MYO1E: variants seen among roughly 807,000 people sequenced by gnomAD.
MYO1E encodes myosin IE, also known as unconventional myosin-Ie.
Under a neutral mutation model 151.1 loss-of-function variants are expected in MYO1E, and 68 were observed. The observed-to-expected ratio is 0.45, with a 90% CI of 0.37 to 0.55. The LOEUF (loss-of-function observed/expected upper bound fraction) is 0.55, where lower values mean the gene tolerates loss of function less well. Among genes scored for constraint, MYO1E ranks in the 20% least tolerant of loss-of-function variants. The pLI is 0.00. For missense variants in MYO1E, 1,363 were observed against 1,389.3 expected, an observed-to-expected ratio of 0.98 and a Z score of 0.30; for synonymous variants, 601 against 501.7, an observed-to-expected ratio of 1.20 and a Z score of -2.64.
At chr15:59,367,003 A>C (rs1008348596) in intron 1 of MYO1E, among the ~76,000 whole-genome samples, 5,874 of 144,682 alleles carry the variant, frequency 0.041, 181 homozygotes, top group East Asian at 0.17. Context: ...TTCGCAAAAA[A>C]AAAAAAAAAA....
chr15:59,302,255 G>A (rs367792276), intron 1 of MYO1E, among the ~76,000 whole-genome samples: 1 of 152,166 alleles, frequency 6.6e-6, no homozygotes, highest in African/African-American at 2.4e-5. Flanking sequence ...TCCAATTAAC[G>A]AAGGCACTGT....
Position 59,133,233 on chromosome 15 carries a change from G to A in MYO1E, c.*4147C>T, listed in dbSNP as rs1199072350. 6.6e-6 allele frequency: 1 copy of A among 152,286 alleles called. No homozygotes were observed. The highest frequency in any genetic ancestry group is 1.5e-5 in the Non-Finnish European group (1 of 68,106). The allele number at this position is 152,286 out of a possible 1,614,324, so 9.4% of individuals were successfully genotyped here. A position where few individuals can be genotyped will look rare whatever the true frequency, so the allele number is the denominator to read the frequency against. ...CATCTGTACAAATAATTAGCCGAAT[G>A]TGGTGGCACATGCTTGTGGTCCCAG... is the stretch of plus-strand genomic sequence containing the variant. On this transcript the variant is annotated 3_prime_UTR_variant, in exon 28 of 28. Coordinates refer to ENST00000288235, the MANE Select transcript of MYO1E (RefSeq NM_004998.4).
chr15:59,292,969 C>G (rs1018346965), intron 1 of MYO1E, among the ~76,000 whole-genome samples: 9 of 152,144 alleles, frequency 5.9e-5, no homozygotes, highest in Non-Finnish European at 1.3e-4. Flanking sequence ...GAGGCCTCGG[C>G]TCATAAACTG....
At chr15:59,224,952 C>T (rs1437805164) in intron 7 of MYO1E, 129 bp from the exon 8 acceptor site, 1 of 1,256,146 alleles carries the variant, frequency 8.0e-7, no homozygotes, top group African/African-American at 1.5e-5. Flanking sequence ...GCAGTCCTGG[C>T]CCCCAAATAT....
At chr15:59,339,329 C>A (rs957895907) in intron 1 of MYO1E, among the ~76,000 whole-genome samples, 10 of 152,166 alleles carry the variant, frequency 6.6e-5, no homozygotes, top group African/African-American at 2.2e-4. Flanking sequence ...TTTTCCTGTT[C>A]CTGGTTTTCT....
At chr15:59,165,561 C>T (rs1168566981) in intron 22 of MYO1E, among the ~76,000 whole-genome samples, 2 of 152,178 alleles carry the variant, frequency 1.3e-5, no homozygotes, top group Non-Finnish European at 2.9e-5. Context: ...AAACAATAGA[C>T]GGTTTTCATC....
intron 3 of MYO1E, among the ~76,000 whole-genome samples, chr15:59,260,581 T>C (rs2080219101): frequency 6.6e-6 from 1 of 152,116 alleles, no homozygotes; most frequent in African/African-American, 2.4e-5. Flanking sequence ...AACCACAGAA[T>C]AAAATATATT....
chr15:59,198,652 C>T (rs182734959), intron 16 of MYO1E, among the ~76,000 whole-genome samples: 2 of 151,954 alleles, frequency 1.3e-5, no homozygotes, highest in African/African-American at 4.8e-5. Flanking sequence ...TTCGTCTCTA[C>T]TAAAAAAAAT....
At chr15:59,289,197 C>T (rs2035506) in intron 1 of MYO1E, among the ~76,000 whole-genome samples, 76,233 of 152,004 alleles carry the variant, frequency 0.5, 20,655 homozygotes, top group Middle Eastern at 0.67. Flanking sequence ...CTCTCTGCTT[C>T]CAGTCCCTCC....
chr15:59,214,725 A>G lies in MYO1E; in HGVS notation c.1108-5T>C. ...CTCCATGGCTTTATTGATGGACTAG[A>G]GAAAGTAAACAGCATGGCAGTGAAC... is the stretch of plus-strand genomic sequence containing the variant. On this transcript the variant is annotated splice_region_variant and splice_polypyrimidine_tract_variant and intron_variant, in intron 10 of 27. Coordinates refer to ENST00000288235, the MANE Select transcript of MYO1E (RefSeq NM_004998.4). 6.2e-7 allele frequency: 1 copy of G among 1,610,120 alleles called. No individual in the cohort carries two copies. The highest frequency in any genetic ancestry group is 8.5e-7 in the Non-Finnish European group (1 of 1,176,380).
At chr15:59,240,388 G>T in intron 4 of MYO1E, among the ~76,000 whole-genome samples, 1 of 152,084 alleles carries the variant, frequency 6.6e-6, no homozygotes, top group Non-Finnish European at 1.5e-5. Context: ...CTGTGTGTGG[G>T]GGGGGTCTGT....
At chr15:59,179,125 C>T (rs1339794844) in intron 18 of MYO1E, among the ~76,000 whole-genome samples, 2 of 152,194 alleles carry the variant, frequency 1.3e-5, no homozygotes, top group Non-Finnish European at 2.9e-5. Flanking sequence ...CCACCATGCC[C>T]TTTCCTTCCT....
chr15:59,271,989 A>G (rs1185012882), intron 2 of MYO1E, among the ~76,000 whole-genome samples: 1 of 152,270 alleles, frequency 6.6e-6, no homozygotes, highest in Non-Finnish European at 1.5e-5. Flanking sequence ...CCCTTTGCAC[A>G]GCCTGAACCA....
chr15:59,297,410 T>G (rs1409760944), intron 1 of MYO1E, among the ~76,000 whole-genome samples: 2 of 138,718 alleles, frequency 1.4e-5, no homozygotes, highest in African/African-American at 2.5e-5. Context: ...AGCTGGGATT[T>G]CAGGTACGCA....
chr15:59,282,104 A>T (rs548542574), intron 1 of MYO1E, among the ~76,000 whole-genome samples: 2 of 152,302 alleles, frequency 1.3e-5, no homozygotes, highest in Admixed American at 6.5e-5. Context: ...TTTTCTTGTC[A>T]ATTTCAAGTC....
intron 16 of MYO1E, among the ~76,000 whole-genome samples, chr15:59,198,842 A>C (rs1372021431): frequency 7.0e-6 from 1 of 143,442 alleles, no homozygotes; most frequent in Non-Finnish European, 1.5e-5. Flanking sequence ...AAAAAAAAAC[A>C]AACCAAAAAA....
intron 1 of MYO1E, among the ~76,000 whole-genome samples, chr15:59,334,873 C>G (rs1193944676): frequency 6.6e-6 from 1 of 152,180 alleles, no homozygotes; most frequent in East Asian, 1.9e-4. Flanking sequence ...ATATGTCTCC[C>G]TCATTTTGCT....
Position 59,297,081 on chromosome 15 carries a change from T to C in MYO1E, c.4-24632A>G, listed in dbSNP as rs187200483. Among the ~76,000 whole-genome samples, 3 of 144,316 alleles carry C rather than the reference T, an allele frequency of 2.1e-5. No homozygotes were observed. In the East Asian group the frequency reaches 6.2e-4, roughly 30 times the overall value. 94.7% of individuals were successfully genotyped at this position (144,316 alleles called of 152,430 possible). ...GTTAGCCAGGATGGTCTCGATCTCC[T>C]GACCTCATGATCCACTCGCCTCGGC... On this transcript the variant is annotated intron_variant, in intron 1 of 27. Coordinates refer to ENST00000288235, the MANE Select transcript of MYO1E (RefSeq NM_004998.4).
At chr15:59,307,674 G>A (rs1012546494) in intron 1 of MYO1E, among the ~76,000 whole-genome samples, 19 of 151,980 alleles carry the variant, frequency 1.3e-4, no homozygotes, top group Non-Finnish European at 1.6e-4. Context: ...GCAACGGCGC[G>A]ATCTTGGCTC....
Sources: gnomAD v4.1 joint callset for allele counts (sites outside exome capture counted in the v4.1 genomes callset) on GRCh38, gnomAD v4.1.1 for gene constraint, MANE v1.5 for transcripts, NCBI Gene and HGNC (gene_info 2026-07-23, HGNC 2026-07-21) for gene names.